The following CIB4 variants were observed in gnomAD, a reference collection of about 807,000 sequenced individuals.
CIB4 encodes the protein calcium and integrin binding family member 4.
A neutral mutation model predicts 25.8 loss-of-function variants in CIB4; 25 were observed. That is an observed-to-expected ratio of 0.97 (90% confidence interval 0.71 to 1.35). The LOEUF is 1.35. Ranked by LOEUF, CIB4 falls within the 40% of genes most tolerant of loss-of-function variation. The pLI, the probability that CIB4 is intolerant of heterozygous loss-of-function variation, is 0.00. For missense variants in CIB4, 235 were observed against 228.2 expected (o/e 1.03, Z -0.19); for synonymous variants, 75 against 81.4 (o/e 0.92, Z 0.42).
At chr2:26,581,839 G>C (rs971772086) in intron 6 of CIB4, among the ~76,000 whole-genome samples, 5 of 152,218 alleles carry the variant, frequency 3.3e-5, no homozygotes, top group Non-Finnish European at 7.3e-5. Flanking sequence ...AGTCAGAAGA[G>C]GGGAGGACCC....
At chr2:26,624,821 C>A (rs901018090) in intron 3 of CIB4, among the ~76,000 whole-genome samples, 2 of 151,204 alleles carry the variant, frequency 1.3e-5, no homozygotes, top group Admixed American at 6.6e-5. Context: ...TATTGGATAG[C>A]ACAACAAGGT....
chr2:26,584,253 G>A (rs1262085013), intron 4 of CIB4, among the ~76,000 whole-genome samples: 1 of 152,160 alleles, frequency 6.6e-6, no homozygotes, highest in East Asian at 1.9e-4. Context: ...TGGAAGGGGA[G>A]ATTCAAACCC....
chr2:26,605,348 C>CA (rs1333926238), intron 3 of CIB4, among the ~76,000 whole-genome samples: 1 of 152,104 alleles, frequency 6.6e-6, no homozygotes, highest in Non-Finnish European at 1.5e-5. Flanking sequence ...GGCAGTCAGT[C>CA]ACCGGGGGAA....
chr2:26,593,324 ATATG>A (rs1668619450), intron 4 of CIB4, among the ~76,000 whole-genome samples: 1 of 151,576 alleles, frequency 6.6e-6, no homozygotes, highest in African/African-American at 2.4e-5. Flanking sequence ...GTGTGTGTGT[ATATG>A]TGTGTGTGTG....
chr2:26,620,553 C>T (rs932613633), intron 3 of CIB4, among the ~76,000 whole-genome samples: 7 of 152,168 alleles, frequency 4.6e-5, no homozygotes, highest in African/African-American at 7.2e-5. Flanking sequence ...TGAGACCTCA[C>T]CAGCCCTCTT....
chr2:26,619,270 C>T (rs1453013231), intron 3 of CIB4, among the ~76,000 whole-genome samples: 2 of 152,098 alleles, frequency 1.3e-5, no homozygotes, highest in Non-Finnish European at 2.9e-5. Context: ...AGGGAGGCTC[C>T]GGAGGTGCCT....
intron 3 of CIB4, among the ~76,000 whole-genome samples, chr2:26,613,313 C>T (rs1669031742): frequency 6.6e-6 from 1 of 152,160 alleles, no homozygotes; most frequent in African/African-American, 2.4e-5. Flanking sequence ...AATCTAATTC[C>T]TCCTCCACCC....
chr2:26,606,924 T>C (rs557463574), intron 3 of CIB4, among the ~76,000 whole-genome samples: 1 of 152,110 alleles, frequency 6.6e-6, no homozygotes, highest in South Asian at 2.1e-4. Context: ...ATGGAACAAA[T>C]AGGGAAGAAA....
At chr2:26,608,039 G>A (rs1668925437) in intron 3 of CIB4, among the ~76,000 whole-genome samples, 1 of 152,182 alleles carries the variant, frequency 6.6e-6, no homozygotes, top group African/African-American at 2.4e-5. Context: ...GGAGTTCAAG[G>A]CCAGCCTGGC....
At position 26,586,902 on chromosome 2, in the gene CIB4, G is replaced by T. The variant is rs1164985680; in HGVS notation, c.329-3004C>A. 3.9e-5 allele frequency among the ~76,000 whole-genome samples: 6 copies of T among 152,170 alleles called. No individual in the cohort carries two copies. In the East Asian group the frequency reaches 5.8e-4, roughly 15 times the overall value. On this transcript the variant is annotated intron_variant, in intron 4 of 6. Coordinates refer to ENST00000288861, the MANE Select transcript of CIB4 (RefSeq NM_001029881.3). ...CTTCTGGGACCATCTATAAAGAGAA[G>T]GTGTGGTCGTCTGGGATAATGAGGT...
chr2:26,588,740 G>A (rs1430119684), intron 4 of CIB4, among the ~76,000 whole-genome samples: 1 of 152,208 alleles, frequency 6.6e-6, no homozygotes, highest in Non-Finnish European at 1.5e-5. Flanking sequence ...TGCCAAAGGT[G>A]CTCCGGTACC....
chr2:26,584,781 G>C (rs1668418331), intron 4 of CIB4, among the ~76,000 whole-genome samples: 1 of 152,190 alleles, frequency 6.6e-6, no homozygotes, highest in Admixed American at 6.5e-5. Flanking sequence ...GTGCACAGAG[G>C]GTTCCGGCCG....
chr2:26,584,864 G>A (rs764964660), intron 4 of CIB4, among the ~76,000 whole-genome samples: 9 of 152,112 alleles, frequency 5.9e-5, no homozygotes, highest in Non-Finnish European at 8.8e-5. Context: ...TCTGGGGGCC[G>A]CACTGACTCC....
Position 26,619,334 on chromosome 2 carries a change from C to G in CIB4, c.186+10076G>C, listed in dbSNP as rs574185589. 5.9e-5 allele frequency among the ~76,000 whole-genome samples: 9 copies of G among 152,264 alleles called. No individual in the cohort carries two copies. The East Asian group carries it at 1.7e-3, about 29-fold the overall frequency. On this transcript the variant is annotated intron_variant, in intron 3 of 6. Coordinates refer to ENST00000288861, the MANE Select transcript of CIB4 (RefSeq NM_001029881.3). ...GGAAGGAGGGCAGTACAGGACCAGG[C>G]TCTCAGGACACCAGCCTCATGGAGC...
intron 2 of CIB4, among the ~76,000 whole-genome samples, chr2:26,638,554 G>A (rs1488744559): frequency 6.6e-6 from 1 of 152,158 alleles, no homozygotes; most frequent in Non-Finnish European, 1.5e-5. Flanking sequence ...AATGCCATTT[G>A]AAGCCCCTGG....
At chr2:26,581,678 T>C (rs1474282913) in intron 6 of CIB4, among the ~76,000 whole-genome samples, 1 of 152,170 alleles carries the variant, frequency 6.6e-6, no homozygotes, top group Non-Finnish European at 1.5e-5. Flanking sequence ...GCAGTCGGGG[T>C]GCCAGCTTCA....
intron 3 of CIB4, chr2:26,623,438 G>A: frequency 2.2e-6 from 1 of 445,442 alleles, no homozygotes; most frequent in Non-Finnish European, 4.7e-6. Context: ...GAAAGGCTGA[G>A]TAAATTTCAG....
chr2:26,632,899 C>T (rs1369099451), intron 2 of CIB4, among the ~76,000 whole-genome samples: 1 of 152,060 alleles, frequency 6.6e-6, no homozygotes, highest in African/African-American at 2.4e-5. Context: ...TCAATAAGAG[C>T]AATTTTCAAC....
intron 3 of CIB4, among the ~76,000 whole-genome samples, chr2:26,619,753 C>T (rs1054553006): frequency 4.0e-5 from 6 of 151,876 alleles, no homozygotes; most frequent in South Asian, 2.1e-4. Flanking sequence ...ATCTCCATCC[C>T]GGAATCCCCT....
Sources: allele counts gnomAD v4.1 joint callset (sites outside exome capture counted in the v4.1 genomes callset), GRCh38; gene constraint gnomAD v4.1.1; transcripts MANE v1.5; gene names NCBI Gene and HGNC (gene_info 2026-07-23, HGNC 2026-07-21).